Variants in KIF26B observed in about 807,000 individuals in gnomAD.
KIF26B encodes kinesin family member 26B, also known as kinesin-like protein KIF26B.
KIF26B carries 63 observed loss-of-function variants against 151.2 expected under a neutral mutation model. That is an observed-to-expected ratio of 0.42 (90% CI 0.34 to 0.51). KIF26B has a LOEUF of 0.51. KIF26B is among the 20% of genes least tolerant of loss of function. KIF26B has a pLI of 0.07. For synonymous variants in KIF26B, 1,357 were observed against 1,262.1 expected (o/e 1.08, Z -1.59); for missense variants, 2,813 against 2,913.6 (o/e 0.97, Z 0.79).
At chr1:245,346,746 C>T (rs1202637469) in intron 2 of KIF26B, among the ~76,000 whole-genome samples, 3 of 152,126 alleles carry the variant, frequency 2.0e-5, no homozygotes, top group Non-Finnish European at 4.4e-5. Flanking sequence ...TGCTCCAGCT[C>T]CATCATCTCA....
chr1:245,615,671 T>G (rs1289473912), intron 9 of KIF26B, among the ~76,000 whole-genome samples: 1 of 152,232 alleles, frequency 6.6e-6, no homozygotes, highest in African/African-American at 2.4e-5. Context: ...ACGAATGGTT[T>G]CCAAAACCTC....
chr1:245,370,788 A>G (rs1303719958), intron 3 of KIF26B: 2 of 376,138 alleles, frequency 5.3e-6, no homozygotes, highest in Non-Finnish European at 1.1e-5. Context: ...TATTTGTGCA[A>G]TGATTCTGTT....
In KIF26B at chr1:245,685,885, G is replaced by A. The variant is rs746554495; in HGVS notation, c.2902G>A (p.Ala968Thr). The A allele has an allele frequency of 5.0e-5, 80 of 1,612,870 alleles. 1 individual carries two copies. In the Admixed American group the frequency reaches 1.3e-3, roughly 25 times the overall value. The change falls in exon 12 of 15, where the codon GCA becomes ACA. Residue 968 changes from alanine (A) to threonine (T), a missense_variant. Physicochemically the swap from Ala to Thr is moderately conservative, Grantham distance 58. Coordinates refer to ENST00000407071, the MANE Select transcript of KIF26B (RefSeq NM_018012.4). ...QASRGPRLSQ[A>T]AGASPLSESD... ...AAGCAGAGGCCCCCGGTTAAGCCAA[G>A]CAGCGGGGGCAAGCCCACTCTCTGA...
chr1:245,506,939 C>T (rs1216483133), intron 4 of KIF26B, among the ~76,000 whole-genome samples: 3 of 152,230 alleles, frequency 2.0e-5, no homozygotes, highest in Non-Finnish European at 2.9e-5. Flanking sequence ...GTCGGCCTCC[C>T]AAGGTGCTGG....
intron 4 of KIF26B, among the ~76,000 whole-genome samples, chr1:245,477,415 G>A (rs1490829259): frequency 1.3e-5 from 2 of 151,726 alleles, no homozygotes; most frequent in Non-Finnish European, 2.9e-5. Context: ...GTGGGGGTGG[G>A]GGATAGGAAG....
chr1:245,228,527 C>T (rs1239405578), intron 2 of KIF26B, among the ~76,000 whole-genome samples: 21 of 151,402 alleles, frequency 1.4e-4, no homozygotes, highest in African/African-American at 4.9e-4. Flanking sequence ...GATTGCACCA[C>T]CACACTCCAC....
At chr1:245,389,431 T>C (rs1673632783) in intron 3 of KIF26B, among the ~76,000 whole-genome samples, 1 of 152,192 alleles carries the variant, frequency 6.6e-6, no homozygotes, top group African/African-American at 2.4e-5. Flanking sequence ...AAAGCCCATT[T>C]TCCATGTACA....
intron 4 of KIF26B, among the ~76,000 whole-genome samples, chr1:245,483,434 T>C (rs1280364233): frequency 6.6e-6 from 1 of 151,898 alleles, no homozygotes; most frequent in Non-Finnish European, 1.5e-5. Flanking sequence ...ACCTCTGTGC[T>C]TCCTGACCTG....
chr1:245,483,471 C>G (rs1398741048), intron 4 of KIF26B, among the ~76,000 whole-genome samples: 2 of 151,902 alleles, frequency 1.3e-5, no homozygotes, highest in Non-Finnish European at 2.9e-5. Context: ...GTGTCACAGT[C>G]TCACCACAGC....
Position 245,170,659 on chromosome 1 carries a change from T to C in KIF26B, c.465+13976T>C, listed in dbSNP as rs909911846. On this transcript the variant is annotated intron_variant, in intron 2 of 14. Coordinates refer to ENST00000407071, the MANE Select transcript of KIF26B (RefSeq NM_018012.4). This position sits in a 1 kb window ranked among gnomAD's most constrained non-coding sequence, Gnocchi z 4.4. ...TCATAGATGGCACTGTCTTGCTGTG[T>C]CCTCACGTAGTGGAAGGGACTGGCT... Among the ~76,000 whole-genome samples, 1 of 152,192 alleles carries C rather than the reference T, an allele frequency of 6.6e-6. No individual in the cohort carries two copies. The highest frequency in any genetic ancestry group is 2.4e-5 in the African/African-American group (1 of 41,444).
In KIF26B at chr1:245,630,171, TG is replaced by T. The variant is rs2043766194; in HGVS notation, c.2099-15948del. ...AGTTCAACTTCTGTGGAAGACAGTG[TG>T]GTGATTCTTCAAGGATCTAGAACCA... On this transcript the variant is annotated intron_variant, in intron 9 of 14. Coordinates refer to ENST00000407071, the MANE Select transcript of KIF26B (RefSeq NM_018012.4). 4.0e-5 allele frequency among the ~76,000 whole-genome samples: 6 copies of T among 151,626 alleles called. No individual in the cohort carries two copies. In the Admixed American group the frequency reaches 4.0e-4, roughly 10 times the overall value.
chr1:245,660,926 C>T (rs2044129163), intron 10 of KIF26B, among the ~76,000 whole-genome samples: 1 of 151,914 alleles, frequency 6.6e-6, no homozygotes, highest in African/African-American at 2.4e-5. Flanking sequence ...AGCAATCCAC[C>T]TGCCTCAACC....
At chr1:245,224,415 G>T (rs2103550819) in intron 2 of KIF26B, among the ~76,000 whole-genome samples, 1 of 152,326 alleles carries the variant, frequency 6.6e-6, no homozygotes, top group East Asian at 1.9e-4. Context: ...AGCCAAGCTA[G>T]CTGCTTTTCT....
At chr1:245,653,449 G>T (rs1177854408) in intron 10 of KIF26B, among the ~76,000 whole-genome samples, 2 of 152,176 alleles carry the variant, frequency 1.3e-5, no homozygotes, top group African/African-American at 4.8e-5. Flanking sequence ...GAGCACCACA[G>T]CCGGGCGTTG....
At chr1:245,575,531 A>T (rs2043110403) in intron 5 of KIF26B, among the ~76,000 whole-genome samples, 1 of 152,078 alleles carries the variant, frequency 6.6e-6, no homozygotes, top group Middle Eastern at 3.2e-3. Context: ...GGTAGAGGTC[A>T]GATTTCACTC....
At chr1:245,359,011 G>A (rs1413569895) in intron 2 of KIF26B, among the ~76,000 whole-genome samples, 1 of 151,900 alleles carries the variant, frequency 6.6e-6, no homozygotes, top group Non-Finnish European at 1.5e-5. Flanking sequence ...TGTGAAATCA[G>A]GTTTCTCTCT....
intron 4 of KIF26B, among the ~76,000 whole-genome samples, chr1:245,444,248 TG>T (rs892449623): frequency 6.6e-6 from 1 of 151,650 alleles, no homozygotes; most frequent in Non-Finnish European, 1.5e-5. Context: ...ATGGTTGCCG[TG>T]GGGAGGAGGC....
chr1:245,337,648 C>T (rs546771786), intron 2 of KIF26B, among the ~76,000 whole-genome samples: 1 of 151,608 alleles, frequency 6.6e-6, no homozygotes, highest in Non-Finnish European at 1.5e-5. Flanking sequence ...TATAGGAATT[C>T]AATAAATATT....
chr1:245,633,256 G>A (rs1418851100), intron 9 of KIF26B, among the ~76,000 whole-genome samples: 1 of 146,198 alleles, frequency 6.8e-6, no homozygotes, highest in African/African-American at 2.5e-5. Context: ...AAATGCATTT[G>A]TTGGAGACAG....
Sources: gnomAD v4.1 joint callset for allele counts (sites outside exome capture counted in the v4.1 genomes callset) on GRCh38, gnomAD v4.1.1 for gene constraint, Gnocchi (gnomAD v3.1) non-coding constraint, MANE v1.5 for transcripts, NCBI Gene and HGNC (gene_info 2026-07-23, HGNC 2026-07-21) for gene names.